Variants in JHY observed in about 807,000 individuals in gnomAD.
JHY encodes jhy protein homolog.
Under a neutral mutation model 78.0 loss-of-function variants are expected in JHY, and 69 were observed. The observed-to-expected ratio is 0.88, with a 90% CI of 0.73 to 1.08. JHY has a LOEUF of 1.08. JHY is among the 50% of genes least tolerant of loss of function. The probability of loss-of-function intolerance (pLI) is 0.00; values close to 1 mark genes in which losing one functional copy is unlikely to be tolerated. For missense variants in JHY, 944 were observed against 927.8 expected, an observed-to-expected ratio of 1.02 and a Z score of -0.23; for synonymous variants, 368 against 342.6, an observed-to-expected ratio of 1.07 and a Z score of -0.82.
intron 1 of JHY, among the ~76,000 whole-genome samples, chr11:122,884,295 G>A (rs575844867): frequency 1.3e-5 from 2 of 152,234 alleles, no homozygotes; most frequent in East Asian, 1.9e-4. Context: ...TTAGCAACAA[G>A]GTCAACATTA....
At chr11:122,919,032 G>T (rs1433386248) in intron 3 of JHY, among the ~76,000 whole-genome samples, 2 of 152,098 alleles carry the variant, frequency 1.3e-5, no homozygotes, top group South Asian at 2.1e-4. Flanking sequence ...TTCAGCCAAG[G>T]CTGAACAGTG....
intron 4 of JHY, among the ~76,000 whole-genome samples, chr11:122,933,520 G>A (rs1402516147): frequency 2.6e-5 from 4 of 152,168 alleles, no homozygotes; most frequent in African/African-American, 7.2e-5. Flanking sequence ...AGTACATTTT[G>A]TTGTTAGGAG....
intron 4 of JHY, among the ~76,000 whole-genome samples, chr11:122,929,561 C>T (rs956707169): frequency 6.6e-6 from 1 of 152,126 alleles, no homozygotes; most frequent in Non-Finnish European, 1.5e-5. Flanking sequence ...GTCTGCCTCA[C>T]GCATCCCAGG....
rs1478291935 is a variant in JHY, at chr11:122,904,119, A to G, written c.539A>G (p.Gln180Arg). 6.2e-6 allele frequency: 10 copies of G among 1,614,066 alleles called. No individual in the cohort carries two copies. The highest frequency in any genetic ancestry group is 8.5e-6 in the Non-Finnish European group (10 of 1,180,044). The change falls in exon 3 of 9, where the codon CAG becomes CGG. Residue 180 changes from glutamine to arginine, a missense_variant. Transcript: ENST00000227349. ...SMELSGGKGE[Q>R]KESPQSAASL... is the part of the protein sequence containing the mutation. Reference sequence around the variant, plus strand: ...GAACTCTCCGGGGGAAAAGGCGAGCAGAAAGAGAGTCCACAGAGTGCAGCT... The same window carrying G: ...GAACTCTCCGGGGGAAAAGGCGAGCGGAAAGAGAGTCCACAGAGTGCAGCT...
At chr11:122,948,500 A>G (rs866087776) in intron 6 of JHY, among the ~76,000 whole-genome samples, 71 of 150,982 alleles carry the variant, frequency 4.7e-4, no homozygotes, top group Admixed American at 1.4e-3. Context: ...AGGAACTTGG[A>G]AGATGCTGGG....
intron 3 of JHY, among the ~76,000 whole-genome samples, chr11:122,918,833 C>A (rs1863290798): frequency 6.8e-6 from 1 of 147,264 alleles, no homozygotes; most frequent in African/African-American, 2.7e-5. Flanking sequence ...AGCAAGACAG[C>A]CCTGCACATG....
At chr11:122,947,449 G>A (rs548329205) in intron 6 of JHY, 1 of 152,314 alleles carries the variant, frequency 6.6e-6, no homozygotes, top group South Asian at 2.1e-4. Context: ...GATTTAACAA[G>A]TAAAATTGGG....
intron 2 of JHY, among the ~76,000 whole-genome samples, chr11:122,900,511 C>CT (rs374998954): frequency 0.026 from 1,721 of 65,086 alleles, 73 homozygotes; most frequent in Middle Eastern, 0.086. Flanking sequence ...ATACTACCAG[C>CT]TTTTTTTTTT....
chr11:122,888,362 C>T (rs1279313177), intron 2 of JHY, among the ~76,000 whole-genome samples: 1 of 152,176 alleles, frequency 6.6e-6, no homozygotes, highest in African/African-American at 2.4e-5. Context: ...ATGACAGTAA[C>T]AATGACATCA....
intron 5 of JHY, among the ~76,000 whole-genome samples, chr11:122,938,933 G>A (rs578161888): frequency 6.6e-6 from 1 of 151,554 alleles, no homozygotes; most frequent in African/African-American, 2.4e-5. Context: ...GGAAGGGACA[G>A]TTGCCTAGGT....
rs780354382 is a variant in JHY, at chr11:122,938,017, TTG to T, written c.1634+2944_1634+2945del. 1.6e-3 allele frequency among the ~76,000 whole-genome samples: 233 copies of T among 146,852 alleles called. 1 individual carries two copies. Among genetic ancestry groups the T allele is most frequent in the African/African-American group, 5.7e-3 (223 of 38,932 alleles). ...ATCCTTTGTATATAATCTGTTTTTT[TTG>T]TTGTTGTTTTTTGTTTTTTGTTTTC... On this transcript the variant is annotated intron_variant, in intron 5 of 8. Coordinates refer to ENST00000227349, the MANE Select transcript of JHY (RefSeq NM_024806.4).
chr11:122,927,730 T>C (rs1420755093), intron 4 of JHY, among the ~76,000 whole-genome samples: 2 of 142,338 alleles, frequency 1.4e-5, no homozygotes, highest in Non-Finnish European at 3.0e-5. Context: ...TCTTTTCTTT[T>C]TTCTTTTTTT....
chr11:122,953,530 A>T (rs1221516966), intron 6 of JHY, among the ~76,000 whole-genome samples: 1 of 148,574 alleles, frequency 6.7e-6, no homozygotes, highest in African/African-American at 2.5e-5. Flanking sequence ...TGAAACTGGG[A>T]GGTGGAGGTT....
chr11:122,910,952 G>A (rs1284110580), intron 3 of JHY, among the ~76,000 whole-genome samples: 5 of 152,112 alleles, frequency 3.3e-5, no homozygotes, highest in Admixed American at 2.6e-4. Context: ...GCGAGGAACC[G>A]ATGTAAAAAC....
chr11:122,899,903 C>A (rs990365670), intron 2 of JHY, among the ~76,000 whole-genome samples: 2 of 152,166 alleles, frequency 1.3e-5, no homozygotes, highest in African/African-American at 4.8e-5. Flanking sequence ...TGTGCCCTGC[C>A]GGACACTGCT....
At chr11:122,909,356 T>C (rs951314604) in intron 3 of JHY, among the ~76,000 whole-genome samples, 2 of 152,192 alleles carry the variant, frequency 1.3e-5, no homozygotes, top group Non-Finnish European at 2.9e-5. Flanking sequence ...GCCAAGAGTA[T>C]GGACTCTGGA....
At chr11:122,929,856 G>GT (rs1409151700) in intron 4 of JHY, among the ~76,000 whole-genome samples, 6 of 151,682 alleles carry the variant, frequency 4.0e-5, no homozygotes, top group African/African-American at 1.2e-4. Context: ...CAATTTTTCT[G>GT]TAAGTTTGAA....
chr11:122,892,296 T>TA lies in JHY; in HGVS notation c.344+6113dup, dbSNP rs1371040584. ...TGAGTATCCAGAATTGTCTGCAAGT[T>TA]AAAAAAAAAAGGGACTCATAATAAT... On this transcript the variant is annotated intron_variant, in intron 2 of 8. Transcript: ENST00000227349. Among the ~76,000 whole-genome samples, 177 of 144,690 alleles carry TA rather than the reference T, an allele frequency of 1.2e-3. 1 individual carries two copies. The highest frequency in any genetic ancestry group is 3.9e-3 in the African/African-American group (154 of 39,650). 94.9% of individuals were successfully genotyped at this position (144,690 alleles called of 152,430 possible).
intron 2 of JHY, among the ~76,000 whole-genome samples, chr11:122,886,691 T>C (rs911785985): frequency 2.0e-5 from 3 of 152,206 alleles, no homozygotes; most frequent in African/African-American, 7.2e-5. Flanking sequence ...CAAGCAATCC[T>C]TCCACTTCAG....
Sources: gnomAD v4.1 joint callset for allele counts (sites outside exome capture counted in the v4.1 genomes callset) on GRCh38, gnomAD v4.1.1 for gene constraint, MANE v1.5 for transcripts, NCBI Gene and HGNC (gene_info 2026-07-23, HGNC 2026-07-21) for gene names.